The following FBXO44 variants were observed in gnomAD, a reference collection of about 807,000 sequenced individuals.
The protein encoded by FBXO44 is F-box protein 44.
In FBXO44, 25 loss-of-function variants were observed where a neutral mutation model predicts 33.5. The observed-to-expected ratio is 0.75, with a 90% CI of 0.54 to 1.04. The LOEUF (loss-of-function observed/expected upper bound fraction) is 1.04, where lower values mean the gene tolerates loss of function less well. Ranked by LOEUF, FBXO44 falls within the 50% of genes least tolerant of loss-of-function variation. FBXO44 has a pLI of 0.00. For missense variants in FBXO44, 311 were observed against 344.0 expected (o/e 0.90, Z 0.76); for synonymous variants, 147 against 152.8 (o/e 0.96, Z 0.28).
chr1:11,656,987 TACA>T (rs1349589506), intron 2 of FBXO44, among the ~76,000 whole-genome samples: 1 of 152,176 alleles, frequency 6.6e-6, no homozygotes, highest in Non-Finnish European at 1.5e-5. Context: ...CTCAGTATGT[TACA>T]ACAACAGGTA....
chr1:11,654,522 A>G (rs1171937999), upstream of FBXO44: 4 of 462,548 alleles, frequency 8.6e-6, no homozygotes, highest in Non-Finnish European at 1.4e-5. Flanking sequence ...CCGCAGTCCC[A>G]GCAGTCTGCT....
chr1:11,656,289 T>C (rs984722000), intron 2 of FBXO44, among the ~76,000 whole-genome samples, 189 bp downstream of exon 2: 2 of 148,844 alleles, frequency 1.3e-5, no homozygotes, highest in African/African-American at 4.9e-5. Flanking sequence ...CCAAGAGTGG[T>C]GTTTCTTATT....
intron 4 of FBXO44, 45 bp from the exon 5 acceptor site, chr1:11,658,691 G>C: frequency 6.3e-7 from 1 of 1,598,542 alleles, no homozygotes; most frequent in Non-Finnish European, 8.6e-7. Context: ...CCCCCGCCCT[G>C]CCCCCAATCT....
rs1199318651 is a variant in FBXO44, at chr1:11,655,945, G to T, written c.110G>T (p.Trp37Leu). 1 of 1,614,058 alleles carries T rather than the reference G, an allele frequency of 6.2e-7. No homozygotes were observed. Among genetic ancestry groups the T allele is most frequent in the South Asian group, 1.1e-5 (1 of 91,080 alleles). ...AACTGCCGCCTGGTCTGCAGCCTCT[G>T]GCGGGACCTCATCGACCTCGTGACC... ...LLNCRLVCSL[W>L]RDLIDLVTLW... Residue 37 changes from tryptophan (W) to leucine (L), a missense_variant, in exon 2 of 6, where the codon TGG (tryptophan) becomes TTG (leucine). Physicochemically the swap from Trp to Leu is moderately conservative, Grantham distance 61. Coordinates refer to ENST00000251547, the MANE Select transcript of FBXO44 (RefSeq NM_033182.7).
upstream of FBXO44, chr1:11,654,618 C>A (rs1317407100): frequency 5.9e-6 from 2 of 338,346 alleles, no homozygotes; most frequent in Non-Finnish European, 1.1e-5. Flanking sequence ...GGGAGGGGTC[C>A]GATTTGGGGC....
At chr1:11,654,676 G>C (rs1396761083), upstream of FBXO44, 6 of 260,958 alleles carry the variant, frequency 2.3e-5, no homozygotes, top group Non-Finnish European at 4.3e-5. Context: ...GCGGCTAGGG[G>C]AGGCACGGAG....
At position 11,658,770 on chromosome 1, in the gene FBXO44, C is replaced by T; in HGVS notation, c.523C>T (p.Gln175Ter). The T allele has an allele frequency of 6.2e-7, 1 of 1,614,056 alleles. No homozygotes were observed. The highest frequency in any genetic ancestry group is 1.7e-5 in the Admixed American group (1 of 60,032). The change falls in exon 5 of 6, where the codon CAG becomes TAG. Residue 175 changes from glutamine (Q) to a stop codon, truncating the protein, a stop_gained. Coordinates refer to ENST00000251547, the MANE Select transcript of FBXO44 (RefSeq NM_033182.7). LOFTEE classifies it high-confidence loss of function. ...AARPDCGSKY[Q>*]LCVQLLSSAH... is the part of the protein sequence containing the mutation. ...CAGGCCAGATTGCGGGTCCAAGTAC[C>T]AGCTGTGCGTTCAGCTCCTGTCGTC... is the stretch of plus-strand genomic sequence containing the variant.
At chr1:11,654,520 C>A, upstream of FBXO44, 1 of 469,122 alleles carries the variant, frequency 2.1e-6, no homozygotes, top group Non-Finnish European at 3.4e-6. Context: ...CCCCGCAGTC[C>A]CAGCAGTCTG....
In FBXO44 at chr1:11,661,107, C is replaced by G; in HGVS notation, c.625-23C>G. 1 of 1,598,964 alleles carries G rather than the reference C, an allele frequency of 6.3e-7. No individual in the cohort carries two copies. Among genetic ancestry groups the G allele is most frequent in the Non-Finnish European group, 8.6e-7 (1 of 1,168,708 alleles). ...CTGAGTCAGCTCCCTTGACCTTTCT[C>G]CCCCCTCTACCTGCCCTGCCAGGTC... On this transcript the variant is annotated intron_variant, in intron 5 of 5. Transcript: ENST00000251547. This position sits in a 1 kb window ranked among gnomAD's most constrained non-coding sequence, Gnocchi z 4.4.
At position 11,656,050 on chromosome 1, in the gene FBXO44, A is replaced by G. The variant is rs757685330; in HGVS notation, c.215A>G (p.Tyr72Cys). The change falls in exon 2 of 6, where the codon TAC (tyrosine) becomes TGC (cysteine). Residue 72 changes from tyrosine (Y) to cysteine (C), a missense_variant. Tyr to Cys is a radical substitution (Grantham distance 194). Transcript: ENST00000251547. ...CCCGTGGCCGACTGGAAGATCTTCT[A>G]CTTCTTACGGAGCCTGCACAGGAAC... ...DQPVADWKIFYFLRSLHRNLL... is the reference protein window; with the variant it reads ...DQPVADWKIFCFLRSLHRNLL... The G allele has an allele frequency of 1.2e-6, 2 of 1,614,122 alleles. No individual in the cohort carries two copies. Among genetic ancestry groups the G allele is most frequent in the Non-Finnish European group, 1.7e-6 (2 of 1,180,032 alleles).
intron 2 of FBXO44, among the ~76,000 whole-genome samples, chr1:11,657,844 C>T (rs1441427935): frequency 2.6e-5 from 4 of 152,154 alleles, no homozygotes; most frequent in Non-Finnish European, 5.9e-5. Context: ...GCCACAAGTC[C>T]TAAAACATTT....
At chr1:11,660,360 A>C (rs1056396811) in intron 5 of FBXO44, among the ~76,000 whole-genome samples, 1 of 151,992 alleles carries the variant, frequency 6.6e-6, no homozygotes, top group African/African-American at 2.4e-5. Context: ...GGGTTTCTCC[A>C]TGTTGGTCAG....
chr1:11,659,596 A>G (rs1032537544), intron 5 of FBXO44, among the ~76,000 whole-genome samples: 1 of 152,132 alleles, frequency 6.6e-6, no homozygotes, highest in African/African-American at 2.4e-5. Flanking sequence ...CTTAGGCTCA[A>G]GTCATCCTCC....
chr1:11,656,124 AT>A (rs1210430790), intron 2 of FBXO44, 24 bp downstream of exon 2: 1 of 1,610,376 alleles, frequency 6.2e-7, no homozygotes, highest in East Asian at 2.2e-5. Context: ...CGGGTCTGGC[AT>A]GCCTCCAGTA....
At chr1:11,659,001 G>T (rs909321208) in intron 5 of FBXO44, 130 bp downstream of exon 5, 6 of 1,207,038 alleles carry the variant, frequency 5.0e-6, no homozygotes, top group Middle Eastern at 2.7e-4. Context: ...AGCTTCACTC[G>T]CTGTTTCTGT....
Position 11,655,987 on chromosome 1 carries a change from G to C in FBXO44, c.152G>C (p.Cys51Ser), listed in dbSNP as rs1347257058. The change falls in exon 2 of 6, where the codon TGC becomes TCC. Residue 51 changes from cysteine to serine, a missense_variant. Transcript: ENST00000251547. Reference protein sequence around the residue: ...IDLVTLWKRKCLREGFITEDW... With the variant: ...IDLVTLWKRKSLREGFITEDW... ...CTCGTGACCCTCTGGAAACGCAAGT[G>C]CCTGCGAGAGGGCTTCATCACTGAG... 6.2e-7 allele frequency: 1 copy of C among 1,614,062 alleles called. No individual in the cohort carries two copies. The highest frequency in any genetic ancestry group is 8.5e-7 in the Non-Finnish European group (1 of 1,180,052).
chr1:11,657,892 T>C (rs1260748415), intron 2 of FBXO44, among the ~76,000 whole-genome samples: 1 of 152,086 alleles, frequency 6.6e-6, no homozygotes, highest in Admixed American at 6.5e-5. Context: ...CCCCTATTCT[T>C]ACTCCAGTTT....
chr1:11,654,545 C>G (rs973680540), upstream of FBXO44: 7 of 402,984 alleles, frequency 1.7e-5, no homozygotes, highest in Admixed American at 3.2e-4. Flanking sequence ...AGGCCCGGGG[C>G]TGCGGGTTCC....
At position 11,658,402 on chromosome 1, in the gene FBXO44, C is replaced by A; in HGVS notation, c.392+9C>A. On this transcript the variant is annotated intron_variant, in intron 3 of 5. Coordinates refer to ENST00000251547, the MANE Select transcript of FBXO44 (RefSeq NM_033182.7). ...TTCGTTACTTCATATTAGTAAGATCCGGGGACTTGGGGTAGGGGAAAGCCC... is the reference window on the plus strand; with the variant it reads ...TTCGTTACTTCATATTAGTAAGATCAGGGGACTTGGGGTAGGGGAAAGCCC... 1 of 1,613,760 alleles carries A rather than the reference C, an allele frequency of 6.2e-7. No homozygotes were observed. Among genetic ancestry groups the A allele is most frequent in the Non-Finnish European group, 8.5e-7 (1 of 1,179,962 alleles).
Sources: allele counts gnomAD v4.1 joint callset (sites outside exome capture counted in the v4.1 genomes callset), GRCh38; gene constraint gnomAD v4.1.1; non-coding constraint Gnocchi (gnomAD v3.1); transcripts MANE v1.5; gene names NCBI Gene and HGNC (gene_info 2026-07-23, HGNC 2026-07-21).